Variants in ENOX1 observed in about 807,000 individuals in gnomAD.
ENOX1 encodes the protein candidate growth-related and time keeping constitutive hydroquinone (NADH) oxidase.
In ENOX1, 42 loss-of-function variants were observed where a neutral mutation model predicts 82.5. That is an observed-to-expected ratio of 0.51 (90% confidence interval 0.40 to 0.66). The LOEUF (loss-of-function observed/expected upper bound fraction) is 0.66, where lower values mean the gene tolerates loss of function less well. Among genes scored for constraint, ENOX1 ranks in the 30% least tolerant of loss-of-function variants. The probability of loss-of-function intolerance (pLI) is 0.00; values close to 1 mark genes in which losing one functional copy is unlikely to be tolerated. For missense variants in ENOX1, 608 were observed against 811.6 expected, an observed-to-expected ratio of 0.75 and a Z score of 3.05; for synonymous variants, 271 against 282.2, an observed-to-expected ratio of 0.96 and a Z score of 0.40.
chr13:43,719,623 C>A (rs986164758), intron 1 of ENOX1, among the ~76,000 whole-genome samples: 5 of 152,150 alleles, frequency 3.3e-5, no homozygotes, highest in Admixed American at 2.6e-4. Context: ...CATTTCAACA[C>A]AAGATATCCA....
At chr13:43,770,589 TGTTATTATGA>T (rs533440798) in intron 1 of ENOX1, among the ~76,000 whole-genome samples, 122 of 152,280 alleles carry the variant, frequency 8.0e-4, no homozygotes, top group Middle Eastern at 6.8e-3. Context: ...GCCCATTACA[TGTTATTATGA>T]GTTATTATGA....
At chr13:43,551,796 C>T (rs575520005) in intron 2 of ENOX1, among the ~76,000 whole-genome samples, 13 of 152,298 alleles carry the variant, frequency 8.5e-5, no homozygotes, top group African/African-American at 3.1e-4. Context: ...GGGCCCAGCA[C>T]AATTGTGTCC....
At chr13:43,529,154 A>C (rs1471658135) in intron 2 of ENOX1, among the ~76,000 whole-genome samples, 1 of 151,920 alleles carries the variant, frequency 6.6e-6, no homozygotes. Context: ...CACAGTCTGA[A>C]AGTATTATTG....
chr13:43,778,764 C>T (rs1249898322), intron 1 of ENOX1, among the ~76,000 whole-genome samples: 1 of 147,918 alleles, frequency 6.8e-6, no homozygotes, highest in Non-Finnish European at 1.5e-5. Context: ...CTGTAAAAAG[C>T]CTAAGATTAT....
chr13:43,407,222 T>C (rs2053853326), intron 5 of ENOX1, among the ~76,000 whole-genome samples: 1 of 152,156 alleles, frequency 6.6e-6, no homozygotes, highest in African/African-American at 2.4e-5. Context: ...CACAGAAAAC[T>C]GAGAAGAAGG....
At chr13:43,628,371 C>G (rs1016713834) in intron 2 of ENOX1, among the ~76,000 whole-genome samples, 4 of 152,180 alleles carry the variant, frequency 2.6e-5, no homozygotes, top group African/African-American at 9.7e-5. Flanking sequence ...CTTCCTTTCT[C>G]CCCTTCACTA....
intron 2 of ENOX1, among the ~76,000 whole-genome samples, chr13:43,591,347 T>C (rs1364327422): frequency 6.6e-6 from 1 of 152,158 alleles, no homozygotes; most frequent in Non-Finnish European, 1.5e-5. Flanking sequence ...TACAGATAAA[T>C]CTCAGGGATA....
chr13:43,298,668 T>C (rs9533445), intron 11 of ENOX1, 138 bp from the exon 12 acceptor site: 239,881 of 673,232 alleles, frequency 0.36, 48,784 homozygotes, highest in Non-Finnish European at 0.43. Flanking sequence ...TGCCACTCCC[T>C]GGGCCTCTCT....
At chr13:43,627,435 C>G (rs1217095999) in intron 2 of ENOX1, among the ~76,000 whole-genome samples, 3 of 151,838 alleles carry the variant, frequency 2.0e-5, no homozygotes, top group Non-Finnish European at 4.4e-5. Context: ...AATGGTTGCT[C>G]TGGTTATTAC....
intron 2 of ENOX1, among the ~76,000 whole-genome samples, chr13:43,603,391 TTTA>T (rs1289355914): frequency 2.7e-5 from 4 of 150,504 alleles, no homozygotes; most frequent in Non-Finnish European, 4.4e-5. Context: ...ATTTATTTAT[TTTA>T]TTATTATTAT....
chr13:43,433,153 G>T (rs1433360632), intron 3 of ENOX1, among the ~76,000 whole-genome samples: 10 of 152,152 alleles, frequency 6.6e-5, no homozygotes, highest in Non-Finnish European at 1.2e-4. Context: ...GCCAACATCT[G>T]CTTGGCTTCT....
At chr13:43,524,491 C>T (rs1006969676) in intron 2 of ENOX1, among the ~76,000 whole-genome samples, 12 of 152,096 alleles carry the variant, frequency 7.9e-5, no homozygotes, top group Non-Finnish European at 2.9e-5. Context: ...GGCCCCTCCT[C>T]ACGCCCTCCA....
chr13:43,468,066 G>C (rs572652421), intron 3 of ENOX1, among the ~76,000 whole-genome samples: 8 of 152,126 alleles, frequency 5.3e-5, no homozygotes, highest in African/African-American at 1.9e-4. Context: ...GATTACTCTA[G>C]CTTTGTAATA....
chr13:43,349,640 G>A (rs1223465674), intron 8 of ENOX1, among the ~76,000 whole-genome samples: 1 of 152,208 alleles, frequency 6.6e-6, no homozygotes, highest in Non-Finnish European at 1.5e-5. Context: ...CACAGACTCA[G>A]CCTTTCTCAC....
chr13:43,613,041 T>C (rs980498012), intron 2 of ENOX1, among the ~76,000 whole-genome samples: 3 of 152,210 alleles, frequency 2.0e-5, no homozygotes, highest in Non-Finnish European at 4.4e-5. Flanking sequence ...TTTCACATTG[T>C]ATACATTTTT....
chr13:43,519,374 G>T (rs2077674719), intron 2 of ENOX1, among the ~76,000 whole-genome samples: 1 of 152,044 alleles, frequency 6.6e-6, no homozygotes. Context: ...AAAAGTATTT[G>T]CCTACTAATA....
At chr13:43,607,035 A>G (rs1400897211) in intron 2 of ENOX1, among the ~76,000 whole-genome samples, 4 of 152,152 alleles carry the variant, frequency 2.6e-5, no homozygotes, top group Non-Finnish European at 5.9e-5. Flanking sequence ...CCAGTATTTG[A>G]CAGCACAATA....
chr13:43,416,825 C>CTGTAATCTTAGCACTT (rs2153603400), intron 3 of ENOX1, among the ~76,000 whole-genome samples: 1 of 152,288 alleles, frequency 6.6e-6, no homozygotes, highest in South Asian at 2.1e-4. Flanking sequence ...CGGGCAGAGG[C>CTGTAATCTTAGCACTT]TGTAATCTTA....
At chr13:43,602,897 G>A (rs1392013753) in intron 2 of ENOX1, among the ~76,000 whole-genome samples, 2 of 152,108 alleles carry the variant, frequency 1.3e-5, no homozygotes, top group Non-Finnish European at 2.9e-5. Context: ...GGAAACAATT[G>A]ACAGTGTATT....
Sources: allele counts gnomAD v4.1 joint callset (sites outside exome capture counted in the v4.1 genomes callset), GRCh38; gene constraint gnomAD v4.1.1; transcripts MANE v1.5; gene names NCBI Gene and HGNC (gene_info 2026-07-23, HGNC 2026-07-21).